Variants in MYO3B observed in about 807,000 individuals in gnomAD.
MYO3B encodes myosin IIIB.
MYO3B carries 156 observed loss-of-function variants against 174.6 expected under a neutral mutation model. The ratio of observed to expected loss-of-function variants is 0.89; its 90% confidence interval spans 0.78 to 1.02. MYO3B has a LOEUF of 1.02. Ranked by LOEUF, MYO3B falls within the 50% of genes least tolerant of loss-of-function variation. The probability of loss-of-function intolerance (pLI) is 0.00; values close to 1 mark genes in which losing one functional copy is unlikely to be tolerated. For synonymous variants in MYO3B, 563 were observed against 569.1 expected (o/e 0.99, Z 0.15); for missense variants, 1,632 against 1,639.4 (o/e 1.00, Z 0.08).
intron 22 of MYO3B, among the ~76,000 whole-genome samples, chr2:170,416,855 G>C (rs113011657): frequency 7.4e-6 from 1 of 134,382 alleles, no homozygotes. Context: ...ACGGAGTCTC[G>C]CTCTGTTGCC....
chr2:170,388,247 G>T (rs919537667), intron 14 of MYO3B, among the ~76,000 whole-genome samples: 9 of 152,096 alleles, frequency 5.9e-5, no homozygotes, highest in Non-Finnish European at 1.2e-4. Context: ...AGAGTATGCG[G>T]TATATGAGGA....
At chr2:170,560,742 C>CT (rs1691654692) in intron 32 of MYO3B, among the ~76,000 whole-genome samples, 1 of 152,182 alleles carries the variant, frequency 6.6e-6, no homozygotes, top group African/African-American at 2.4e-5. Flanking sequence ...TACACACCCA[C>CT]TGTAAATGGC....
intron 21 of MYO3B, among the ~76,000 whole-genome samples, chr2:170,406,149 C>G (rs1179981812): frequency 6.6e-6 from 1 of 152,142 alleles, no homozygotes; most frequent in Non-Finnish European, 1.5e-5. Context: ...ATGCCTCAGT[C>G]TCAATTTCAA....
intron 7 of MYO3B, among the ~76,000 whole-genome samples, chr2:170,293,071 C>T (rs13022725): frequency 0.68 from 102,977 of 151,976 alleles, 35,036 homozygotes; most frequent in Admixed American, 0.73. Context: ...GGAAGTCCAA[C>T]TCTTTCACTG....
intron 8 of MYO3B, 104 bp from the exon 9 acceptor site, chr2:170,369,118 A>G: frequency 1.0e-6 from 1 of 960,668 alleles, no homozygotes; most frequent in Non-Finnish European, 1.5e-6. Flanking sequence ...ACCAATGATC[A>G]GGTTTTATAA....
chr2:170,397,225 C>T (rs1280675337), intron 16 of MYO3B, among the ~76,000 whole-genome samples: 1 of 152,172 alleles, frequency 6.6e-6, no homozygotes, highest in African/African-American at 2.4e-5. Flanking sequence ...TTAAAATCTT[C>T]ATTTGTCTTT....
At chr2:170,484,139 G>C (rs759193434) in intron 25 of MYO3B, among the ~76,000 whole-genome samples, 2 of 152,208 alleles carry the variant, frequency 1.3e-5, no homozygotes, top group African/African-American at 2.4e-5. Flanking sequence ...GACATTTATT[G>C]AGAACCTACT....
At chr2:170,372,902 G>C (rs1175755233) in intron 9 of MYO3B, among the ~76,000 whole-genome samples, 1 of 152,160 alleles carries the variant, frequency 6.6e-6, no homozygotes, top group Non-Finnish European at 1.5e-5. Context: ...GAGAGAGCTT[G>C]GGGAATCTGG....
At chr2:170,490,358 A>G (rs1686389210) in intron 25 of MYO3B, among the ~76,000 whole-genome samples, 3 of 152,278 alleles carry the variant, frequency 2.0e-5, no homozygotes, top group African/African-American at 4.8e-5. Flanking sequence ...TTTGTTGCTA[A>G]TATATAGAAG....
At chr2:170,217,946 G>A (rs1574597847) in intron 6 of MYO3B, among the ~76,000 whole-genome samples, 1 of 152,172 alleles carries the variant, frequency 6.6e-6, no homozygotes, top group African/African-American at 2.4e-5. Flanking sequence ...AGAAGTTTGG[G>A]GAACCTTCCA....
At chr2:170,356,375 T>C (rs1488590544) in intron 8 of MYO3B, among the ~76,000 whole-genome samples, 1 of 151,784 alleles carries the variant, frequency 6.6e-6, no homozygotes, top group Non-Finnish European at 1.5e-5. Context: ...ATTTCTTTTC[T>C]TTTTGAGACA....
At chr2:170,310,774 G>T (rs181605935) in intron 7 of MYO3B, among the ~76,000 whole-genome samples, 3 of 151,704 alleles carry the variant, frequency 2.0e-5, no homozygotes, top group African/African-American at 7.3e-5. Context: ...ACATTTTCTG[G>T]TTGAATATGT....
chr2:170,433,361 T>C (rs2094726534), intron 22 of MYO3B, among the ~76,000 whole-genome samples: 1 of 152,198 alleles, frequency 6.6e-6, no homozygotes, highest in African/African-American at 2.4e-5. Context: ...AAGCCACCAG[T>C]GCATTCAGTG....
intron 22 of MYO3B, among the ~76,000 whole-genome samples, chr2:170,437,640 G>A (rs987128255): frequency 1.4e-4 from 21 of 152,066 alleles, no homozygotes; most frequent in African/African-American, 4.6e-4. Flanking sequence ...AAAGGCTCTA[G>A]TGTCAACTAA....
At position 170,468,458 on chromosome 2, in the gene MYO3B, T is replaced by C. The variant is rs1301450164; in HGVS notation, c.3014+1747T>C. Among the ~76,000 whole-genome samples the C allele has an allele frequency of 6.6e-5, 10 of 152,184 alleles. No homozygotes were observed. In the South Asian group the frequency reaches 1.5e-3, roughly 22 times the overall value. Reference sequence around the variant, plus strand: ...TGTTCTTGGGATCATGTTGTTGGGTTCCAGAAAGGGGAAAGACTTCCCCAG... The same window carrying C: ...TGTTCTTGGGATCATGTTGTTGGGTCCCAGAAAGGGGAAAGACTTCCCCAG... On this transcript the variant is annotated intron_variant, in intron 25 of 34. Transcript: ENST00000408978.
intron 9 of MYO3B, 150 bp from the exon 10 acceptor site, chr2:170,381,866 G>T (rs964381475): frequency 3.4e-6 from 2 of 585,616 alleles, no homozygotes; most frequent in Non-Finnish European, 3.1e-6. Flanking sequence ...GGCAGGAAAA[G>T]CCTGGGGACC....
chr2:170,230,075 G>A (rs2092997202), intron 6 of MYO3B, among the ~76,000 whole-genome samples: 2 of 151,862 alleles, frequency 1.3e-5, no homozygotes, highest in African/African-American at 2.4e-5. Flanking sequence ...TTCTATTTTA[G>A]AAAGCCTTAT....
At chr2:170,492,758 T>C (rs1350874835) in intron 25 of MYO3B, among the ~76,000 whole-genome samples, 1 of 151,990 alleles carries the variant, frequency 6.6e-6, no homozygotes, top group East Asian at 1.9e-4. Flanking sequence ...TATGGAGACC[T>C]GATAGACTTT....
chr2:170,457,830 C>T (rs1575009584), intron 23 of MYO3B, among the ~76,000 whole-genome samples: 1 of 152,190 alleles, frequency 6.6e-6, no homozygotes. Flanking sequence ...TCGTGGCTCA[C>T]TACAACCTCT....
Sources: allele counts gnomAD v4.1 joint callset (sites outside exome capture counted in the v4.1 genomes callset), GRCh38; gene constraint gnomAD v4.1.1; transcripts MANE v1.5; gene names NCBI Gene and HGNC (gene_info 2026-07-23, HGNC 2026-07-21).